TEK: variants seen among roughly 807,000 people sequenced by gnomAD.
TEK encodes the protein TEK receptor tyrosine kinase.
TEK carries 43 observed loss-of-function variants against 131.8 expected under a neutral mutation model. The ratio of observed to expected loss-of-function variants is 0.33; its 90% CI spans 0.26 to 0.42. The LOEUF is 0.42. Among genes scored for constraint, TEK ranks in the 10% least tolerant of loss-of-function variants. TEK has a pLI of 1.00. For missense variants in TEK, 1,162 were observed against 1,384.4 expected, an observed-to-expected ratio of 0.84 and a Z score of 2.55; for synonymous variants, 580 against 491.6, an observed-to-expected ratio of 1.18 and a Z score of -2.38.
intron 15 of TEK, 33 bp downstream of exon 15, chr9:27,206,825 G>C (rs565641008): frequency 5.6e-6 from 9 of 1,605,122 alleles, no homozygotes; most frequent in African/African-American, 4.0e-5. Context: ...TCAGCATTGC[G>C]TGAGGGTGTG....
At position 27,226,573 on chromosome 9, in the gene TEK, C is replaced by T. The variant is rs189140552; in HGVS notation, c.3201-1633C>T. 5.9e-3 allele frequency among the ~76,000 whole-genome samples: 866 copies of T among 146,602 alleles called. 30 individuals carry two copies. Among genetic ancestry groups the T allele is most frequent in the Admixed American group, 0.054 (795 of 14,752 alleles). On this transcript the variant is annotated intron_variant, in intron 21 of 22. Coordinates refer to ENST00000380036, the MANE Select transcript of TEK (RefSeq NM_000459.5). The stretch of plus-strand genomic sequence containing the variant: ...AGGGAGGGGAATATCACACGCCTAT[C>T]GGGGGGTGGGGGCTAGGGGAGGGAT...
intron 1 of TEK, among the ~76,000 whole-genome samples, chr9:27,118,963 C>T (rs541786636): frequency 2.6e-5 from 4 of 152,218 alleles, no homozygotes; most frequent in African/African-American, 9.6e-5. Flanking sequence ...AGAATGAGGC[C>T]AATAACAAAA....
At chr9:27,150,903 C>T (rs1823104191) in intron 1 of TEK, among the ~76,000 whole-genome samples, 1 of 152,158 alleles carries the variant, frequency 6.6e-6, no homozygotes, top group Non-Finnish European at 1.5e-5. Flanking sequence ...TCATTCCCTC[C>T]AGCAGACAGA....
chr9:27,169,577 G>A lies in TEK; in HGVS notation c.576G>A (p.Arg192=). ...QPQDAGVYSA[R]YIGGNLFTSA... ...AGGATGCTGGAGTGTACTCGGCCAG[G>A]TATATAGGAGGAAACCTCTTCACCT... The change falls in exon 4 of 23, where the codon AGG becomes AGA. Residue 192 remains arginine, a synonymous_variant. Coordinates refer to ENST00000380036, the MANE Select transcript of TEK (RefSeq NM_000459.5). 6.2e-7 allele frequency: 1 copy of A among 1,614,162 alleles called. No individual in the cohort carries two copies. The highest frequency in any genetic ancestry group is 8.5e-7 in the Non-Finnish European group (1 of 1,180,010).
chr9:27,154,092 A>G (rs141969077), intron 1 of TEK, among the ~76,000 whole-genome samples: 1 of 152,192 alleles, frequency 6.6e-6, no homozygotes, highest in Admixed American at 6.5e-5. Flanking sequence ...ATAAAGGGAC[A>G]TATATGTCCA....
At chr9:27,137,219 A>G (rs530247640) in intron 1 of TEK, among the ~76,000 whole-genome samples, 46 of 108,048 alleles carry the variant, frequency 4.3e-4, no homozygotes, top group Admixed American at 2.3e-3. Context: ...TGCCTGGCCT[A>G]AATCTATCTT....
Position 27,229,344 on chromosome 9 carries a change from T to A in TEK, c.*112T>A. 2 of 1,033,300 alleles carry A rather than the reference T, an allele frequency of 1.9e-6. No homozygotes were observed. Among genetic ancestry groups the A allele is most frequent in the Non-Finnish European group, 3.0e-6 (2 of 658,860 alleles). The allele number at this position is 1,033,300 out of a possible 1,614,324, so 64.0% of individuals were successfully genotyped here. The stretch of plus-strand genomic sequence containing the variant: ...GATGTGATATATAAGTGTACATATG[T>A]GCTGTACACCTGGGACCTTCACCAC... On this transcript the variant is annotated 3_prime_UTR_variant, in exon 23 of 23. Coordinates refer to ENST00000380036, the MANE Select transcript of TEK (RefSeq NM_000459.5).
chr9:27,228,265 A>C lies in TEK; in HGVS notation c.3260A>C (p.Gln1087Pro). ...EKPYERPSFA[Q>P]ILVSLNRMLE... is the part of the protein sequence containing the mutation. Reference sequence around the variant, plus strand: ...CCTTATGAGAGGCCATCATTTGCCCAGATATTGGTGTCCTTAAACAGAATG... The same window carrying C: ...CCTTATGAGAGGCCATCATTTGCCCCGATATTGGTGTCCTTAAACAGAATG... Residue 1087 changes from glutamine to proline, a missense_variant, in exon 22 of 23, where the codon CAG becomes CCG. Coordinates refer to ENST00000380036, the MANE Select transcript of TEK (RefSeq NM_000459.5). 6.2e-7 allele frequency: 1 copy of C among 1,613,136 alleles called. No homozygotes were observed.
chr9:27,160,452 ACAGAT>A (rs1395565386), intron 2 of TEK, among the ~76,000 whole-genome samples: 1 of 152,158 alleles, frequency 6.6e-6, no homozygotes, highest in African/African-American at 2.4e-5. Flanking sequence ...GAACATGCTT[ACAGAT>A]CACCTGTAGT....
chr9:27,170,855 G>A (rs1375223128), intron 4 of TEK, among the ~76,000 whole-genome samples: 1 of 152,134 alleles, frequency 6.6e-6, no homozygotes, highest in Non-Finnish European at 1.5e-5. Flanking sequence ...AGACAAGGGT[G>A]GAGTCACGTA....
intron 1 of TEK, among the ~76,000 whole-genome samples, chr9:27,150,883 C>T (rs573421792): frequency 1.5e-4 from 23 of 152,248 alleles, no homozygotes; most frequent in African/African-American, 4.1e-4. Context: ...TTGAAGGTGG[C>T]GAGAGGATGT....
chr9:27,129,725 A>G (rs1822136955), intron 1 of TEK, among the ~76,000 whole-genome samples: 1 of 152,162 alleles, frequency 6.6e-6, no homozygotes, highest in African/African-American at 2.4e-5. Flanking sequence ...CCTCCCTATC[A>G]TTGCCTCTGC....
At chr9:27,165,167 T>TG (rs1823682164) in intron 2 of TEK, among the ~76,000 whole-genome samples, 1 of 151,904 alleles carries the variant, frequency 6.6e-6, no homozygotes, top group South Asian at 2.1e-4. Flanking sequence ...CACAGAGTGG[T>TG]GGGGGGAAAG....
chr9:27,211,041 G>A lies in TEK; in HGVS notation c.2687-1666G>A, dbSNP rs1044888849. On this transcript the variant is annotated intron_variant, in intron 16 of 22. Coordinates refer to ENST00000380036, the MANE Select transcript of TEK (RefSeq NM_000459.5). ...GGATGCTGAGGCAGGAGAATCGCTT[G>A]AACCTGGGAGGCGGAGGTTGCAGTG... 3.9e-5 allele frequency among the ~76,000 whole-genome samples: 6 copies of A among 151,976 alleles called. No homozygotes were observed. The East Asian group carries it at 1.2e-3, about 29-fold the overall frequency.
intron 2 of TEK, among the ~76,000 whole-genome samples, chr9:27,162,480 G>C (rs766759526): frequency 1.3e-5 from 2 of 152,152 alleles, no homozygotes; most frequent in Non-Finnish European, 2.9e-5. Flanking sequence ...AACGTTTTCA[G>C]ATCCAAAGAC....
chr9:27,184,406 T>TA, intron 8 of TEK, among the ~76,000 whole-genome samples: 1 of 152,266 alleles, frequency 6.6e-6, no homozygotes, highest in Admixed American at 6.5e-5. Context: ...TAGAAATACT[T>TA]ATTATCCTAT....
chr9:27,211,100 C>T (rs767072790), intron 16 of TEK, among the ~76,000 whole-genome samples: 3 of 146,598 alleles, frequency 2.0e-5, no homozygotes, highest in East Asian at 2.0e-4. Flanking sequence ...TCAGCCCAGG[C>T]GACAGAGAGA....
At chr9:27,214,506 G>C (rs1387659844) in intron 18 of TEK, among the ~76,000 whole-genome samples, 3 of 152,134 alleles carry the variant, frequency 2.0e-5, no homozygotes, top group Admixed American at 2.0e-4. Flanking sequence ...TCTTAGCAAG[G>C]CTCAGGTTCC....
At chr9:27,198,946 C>T (rs768479408) in intron 12 of TEK, among the ~76,000 whole-genome samples, 11 of 151,954 alleles carry the variant, frequency 7.2e-5, no homozygotes, top group African/African-American at 1.5e-4. Flanking sequence ...CACAGGCACA[C>T]GCCACCACAC....
Sources: allele counts gnomAD v4.1 joint callset (sites outside exome capture counted in the v4.1 genomes callset), GRCh38; gene constraint gnomAD v4.1.1; transcripts MANE v1.5; gene names NCBI Gene and HGNC (gene_info 2026-07-23, HGNC 2026-07-21).